The following COL6A3 variants were observed in gnomAD, a reference collection of about 807,000 sequenced individuals.
COL6A3 encodes collagen type VI alpha 3 chain.
Under a neutral mutation model 274.1 loss-of-function variants are expected in COL6A3, and 137 were observed. That is an observed-to-expected ratio of 0.50 (90% CI 0.44 to 0.58). The LOEUF (loss-of-function observed/expected upper bound fraction) is 0.58, where lower values mean the gene tolerates loss of function less well. Among genes scored for constraint, COL6A3 ranks in the 20% least tolerant of loss-of-function variants. The pLI, the probability that COL6A3 is intolerant of heterozygous loss-of-function variation, is 0.00. For synonymous variants in COL6A3, 1,650 were observed against 1,650.6 expected (o/e 1.00, Z 0.01); for missense variants, 3,950 against 4,124.9 (o/e 0.96, Z 1.16).
At chr2:237,346,393 C>T in intron 32 of COL6A3, 110 bp downstream of exon 32, 1 of 927,242 alleles carries the variant, frequency 1.1e-6, no homozygotes, top group South Asian at 1.3e-5. Flanking sequence ...CAAGCAAATA[C>T]AAAGAGAGCA....
rs962939746 is a variant in COL6A3 at position 237,368,825 on chromosome 2, C to G, written c.4638G>C (p.Leu1546=). The G allele has an allele frequency of 1.9e-6, 3 of 1,614,212 alleles. No individual in the cohort carries two copies. In the Admixed American group the frequency reaches 5.0e-5, roughly 27 times the overall value. The change falls in exon 10 of 44, where the codon CTG becomes CTC. Residue 1546 remains leucine (L), a synonymous_variant. Transcript: ENST00000295550. This position sits in a 1 kb window ranked among gnomAD's most constrained non-coding sequence, Gnocchi z 4.4. ...IEDGVPQHLV[L]VLGGKSQDDV... The stretch of plus-strand genomic sequence containing the variant: ...CGTCCTGGGATTTTCCACCCAGGAC[C>G]AGGACCAGGTGTTGGGGCACCCCGT...
In COL6A3 at chr2:237,361,080, G is replaced by A. The variant is rs2077425217; in HGVS notation, c.6210+41C>T. 6.5e-7 allele frequency: 1 copy of A among 1,533,548 alleles called. No homozygotes were observed. The highest frequency in any genetic ancestry group is 1.7e-4 in the Middle Eastern group (1 of 5,936). The allele number at this position is 1,533,548 out of a possible 1,614,324, so 95.0% of individuals were successfully genotyped here. A position where few individuals can be genotyped will look rare whatever the true frequency, so the allele number is the denominator to read the frequency against. On this transcript the variant is annotated intron_variant, in intron 16 of 43. Coordinates refer to ENST00000295550, the MANE Select transcript of COL6A3 (RefSeq NM_004369.4). This position sits in a 1 kb window ranked among gnomAD's most constrained non-coding sequence, Gnocchi z 5.1. ...GCAATCCCAATGGGTAAGGATCAAGGAGGGGGTGAAATTTTAGGGACTAAA... is the reference window on the plus strand; with the variant it reads ...GCAATCCCAATGGGTAAGGATCAAGAAGGGGGTGAAATTTTAGGGACTAAA...
Position 237,395,050 on chromosome 2 carries a change from C to T in COL6A3, c.246G>A (p.Gln82=). The T allele has an allele frequency of 1.2e-6, 2 of 1,614,190 alleles. No homozygotes were observed. Among genetic ancestry groups the T allele is most frequent in the South Asian group, 1.1e-5 (1 of 91,084 alleles). The change falls in exon 3 of 44, where the codon CAG becomes CAA. Residue 82 remains glutamine, a synonymous_variant. Transcript: ENST00000295550. ...ACTCGGTATGTGGGTTTCCGTTGAACTGGACCAGAGCAAAATGGAAATCAT... is the reference window on the plus strand; with the variant it reads ...ACTCGGTATGTGGGTTTCCGTTGAATTGGACCAGAGCAAAATGGAAATCAT... ...GENDFHFALV[Q]FNGNPHTEFL...
In COL6A3 at chr2:237,368,509, TAA is replaced by T. The variant is rs945910828; in HGVS notation, c.4900+52_4900+53del. 7.2e-6 allele frequency: 10 copies of T among 1,381,934 alleles called. No homozygotes were observed. The highest frequency in any genetic ancestry group is 2.6e-5 in the East Asian group (1 of 38,488). 85.6% of individuals were successfully genotyped at this position (1,381,934 alleles called of 1,614,324 possible). On this transcript the variant is annotated intron_variant, in intron 10 of 43. Transcript: ENST00000295550. This position sits in a 1 kb window ranked among gnomAD's most constrained non-coding sequence, Gnocchi z 4.4. ...AATGACTACTGATTACTTTTTTAACTAAAAAAAAAATGTTGATGTCACACTCT... is the reference window on the plus strand; with the variant it reads ...AATGACTACTGATTACTTTTTTAACTAAAAAAAATGTTGATGTCACACTCT...
chr2:237,362,352 G>A (rs751693769), intron 14 of COL6A3, among the ~76,000 whole-genome samples: 3 of 152,276 alleles, frequency 2.0e-5, no homozygotes, highest in East Asian at 1.9e-4. Flanking sequence ...TCCTGGCCTC[G>A]GAGCCAAAAG....
At chr2:237,340,204 G>T (rs948910763) in intron 38 of COL6A3, among the ~76,000 whole-genome samples, 1 of 152,176 alleles carries the variant, frequency 6.6e-6, no homozygotes, top group Non-Finnish European at 1.5e-5. Context: ...CTTATGACTA[G>T]GTGGCGCTTG....
Position 237,340,623 on chromosome 2 carries a change from T to C in COL6A3, c.8293A>G (p.Lys2765Glu), listed in dbSNP as rs1315207124. The part of the protein sequence containing the change: ...AQRVILQAKC[K>E]GYFFVVLGIG... Reference sequence around the variant, plus strand: ...CCCAGGACCACGAAGAAGTAGCCCTTGCATTTGGCCTGCAGGATGACTCTC... The same window carrying C: ...CCCAGGACCACGAAGAAGTAGCCCTCGCATTTGGCCTGCAGGATGACTCTC... The change falls in exon 38 of 44, where the codon AAG (lysine) becomes GAG (glutamate). Residue 2765 changes from lysine (K) to glutamate (E), a missense_variant. Physicochemically the swap from Lys to Glu is moderately conservative, Grantham distance 56. Around this residue, in one of 5 missense-constraint regions of COL6A3, gnomAD observed 1,284 missense variants for 1,349.7 expected, o/e 0.95. Coordinates refer to ENST00000295550, the MANE Select transcript of COL6A3 (RefSeq NM_004369.4). 2 of 1,614,190 alleles carry C rather than the reference T, an allele frequency of 1.2e-6. No homozygotes were observed. Among genetic ancestry groups the C allele is most frequent in the East Asian group, 2.2e-5 (1 of 44,886 alleles).
chr2:237,359,474 C>A (rs111499280), intron 17 of COL6A3, 86 bp from the exon 18 acceptor site: 101 of 1,358,020 alleles, frequency 7.4e-5, no homozygotes, highest in Non-Finnish European at 1.0e-4. Flanking sequence ...TGTTCCCCCA[C>A]TCCACCCCAT....
chr2:237,338,661 G>A (rs532837353), intron 39 of COL6A3, among the ~76,000 whole-genome samples: 68 of 152,148 alleles, frequency 4.5e-4, no homozygotes, highest in Middle Eastern at 3.2e-3. Context: ...CCAGCTACTC[G>A]GGAGGCTGAA....
chr2:237,339,916 TG>T (rs2076948079), intron 38 of COL6A3, among the ~76,000 whole-genome samples: 1 of 152,114 alleles, frequency 6.6e-6, no homozygotes, highest in Non-Finnish European at 1.5e-5. Context: ...CAGAAGCCAT[TG>T]GAATTGAACT....
chr2:237,336,322 C>G lies in COL6A3; in HGVS notation c.8778G>C (p.Lys2926Asn), dbSNP rs1559194413. The change falls in exon 40 of 44, where the codon AAG becomes AAC. Residue 2926 changes from lysine to asparagine, a missense_variant. This residue lies in a region of COL6A3 where 1,284 missense variants were observed against 1,349.7 expected (regional missense o/e 0.95). Transcript: ENST00000295550. ...KPVAAKPVAT[K>N]MATVRPPVAV... ...CCACTGGGGGTCTAACAGTGGCCAT[C>G]TTTGTGGCCACAGGCTTGGCAGCCA... 3.7e-6 allele frequency: 6 copies of G among 1,613,350 alleles called. No homozygotes were observed. The highest frequency in any genetic ancestry group is 5.1e-6 in the Non-Finnish European group (6 of 1,179,388).
chr2:237,340,152 T>C (rs1450323466), intron 38 of COL6A3, among the ~76,000 whole-genome samples: 1 of 152,186 alleles, frequency 6.6e-6, no homozygotes, highest in Non-Finnish European at 1.5e-5. Context: ...ATTTGATCCA[T>C]TTGCCCACCC....
Position 237,397,017 on chromosome 2 carries a change from T to TGATAGATAGATA in COL6A3, c.-30-182_-30-171dup, listed in dbSNP as rs60589035. On this transcript the variant is annotated intron_variant, in intron 1 of 43. Transcript: ENST00000295550. ...GATGGATGATAGACAGTTAGATAGA[T>TGATAGATAGATA]GATAGATAGATAGATAGATAGATAG... is the stretch of plus-strand genomic sequence containing the variant. Among the ~76,000 whole-genome samples the TGATAGATAGATA allele has an allele frequency of 0.089, 13,009 of 145,982 alleles. 593 individuals carry two copies. Among genetic ancestry groups the TGATAGATAGATA allele is most frequent in the East Asian group, 0.1 (519 of 4,954 alleles).
intron 4 of COL6A3, among the ~76,000 whole-genome samples, chr2:237,385,295 C>G (rs1053480444): frequency 2.0e-5 from 3 of 152,122 alleles, no homozygotes; most frequent in African/African-American, 7.2e-5. Flanking sequence ...GCCAGATAGT[C>G]AAGGATATTT....
In COL6A3 at chr2:237,393,238, CA is replaced by C. The variant is rs201438543; in HGVS notation, c.709+1348del. Among the ~76,000 whole-genome samples, 4 of 151,932 alleles carry C rather than the reference CA, an allele frequency of 2.6e-5. No individual in the cohort carries two copies. In the East Asian group the frequency reaches 7.8e-4, roughly 29 times the overall value. On this transcript the variant is annotated intron_variant, in intron 3 of 43. Coordinates refer to ENST00000295550, the MANE Select transcript of COL6A3 (RefSeq NM_004369.4). ...AGATATCTGCAGAAAGGCAGGGATC[CA>C]CACTAATGGAGACACCCACTGACTT...
intron 31 of COL6A3, among the ~76,000 whole-genome samples, chr2:237,347,210 G>C (rs1309732168): frequency 1.3e-5 from 2 of 152,136 alleles, no homozygotes; most frequent in African/African-American, 4.8e-5. Flanking sequence ...AGGAGATGGA[G>C]GTTGCAGTGA....
intron 8 of COL6A3, 59 bp from the exon 9 acceptor site, chr2:237,372,396 T>A (rs943602666): frequency 1.3e-6 from 2 of 1,599,456 alleles, no homozygotes; most frequent in East Asian, 2.2e-5. Flanking sequence ...TTAGCGTTCA[T>A]GAGCCACCGC....
intron 31 of COL6A3, among the ~76,000 whole-genome samples, chr2:237,347,016 T>C (rs1372888292): frequency 3.3e-5 from 5 of 151,924 alleles, no homozygotes; most frequent in Admixed American, 3.3e-4. Flanking sequence ...TAAACTACAT[T>C]TCAGGCTGAA....
Position 237,342,107 on chromosome 2 carries a change from T to A in COL6A3, c.7723A>T (p.Thr2575Ser), listed in dbSNP as rs745738184. 1 of 1,614,216 alleles carries A rather than the reference T, an allele frequency of 6.2e-7. No homozygotes were observed. Among genetic ancestry groups the A allele is most frequent in the Non-Finnish European group, 8.5e-7 (1 of 1,180,030 alleles). ...ALVLPAGRDL[T>S]DFLENVLTCH... is the part of the protein sequence containing the mutation. ...GTGAGGACATTCTCCAGGAAGTCTG[T>A]GAGGTCTCTCCCTGCAGGCAGGACA... Residue 2575 changes from threonine (T) to serine (S), a missense_variant, in exon 37 of 44, where the codon ACA becomes TCA. By Grantham distance (58) the Thr-to-Ser change is moderately conservative. This residue lies in a region of COL6A3 where 1,284 missense variants were observed against 1,349.7 expected (regional missense o/e 0.95). Transcript: ENST00000295550.
Sources: gnomAD v4.1 joint callset for allele counts (sites outside exome capture counted in the v4.1 genomes callset) on GRCh38, gnomAD v4.1.1 for gene constraint, gnomAD v4.1.1 regional missense constraint, Gnocchi (gnomAD v3.1) non-coding constraint, MANE v1.5 for transcripts, NCBI Gene and HGNC (gene_info 2026-07-23, HGNC 2026-07-21) for gene names.